The following PCDHGB2 variants were observed in gnomAD, a reference collection of about 807,000 sequenced individuals.
PCDHGB2 encodes the protein protocadherin gamma-B2.
In PCDHGB2, 55 loss-of-function variants were observed where a neutral mutation model predicts 59.3. That is an observed-to-expected ratio of 0.93 (90% CI 0.75 to 1.16). The LOEUF (loss-of-function observed/expected upper bound fraction) is 1.16, where lower values mean the gene tolerates loss of function less well. Among genes scored for constraint, PCDHGB2 ranks in the 50% most tolerant of loss-of-function variants. The pLI, the probability that PCDHGB2 is intolerant of heterozygous loss-of-function variation, is 0.00. For missense variants in PCDHGB2, 1,228 were observed against 1,198.5 expected, an observed-to-expected ratio of 1.02 and a Z score of -0.36; for synonymous variants, 516 against 512.0, an observed-to-expected ratio of 1.01 and a Z score of -0.11.
At chr5:141,366,613 G>A (rs555802357) in intron 1 of PCDHGB2, 93 of 1,614,096 alleles carry the variant, frequency 5.8e-5, no homozygotes, top group African/African-American at 8.0e-5. Context: ...CCCTCACCGC[G>A]GACTCGAGGA....
At chr5:141,466,104 AGAGT>A (rs2154569127) in intron 1 of PCDHGB2, among the ~76,000 whole-genome samples, 1 of 152,144 alleles carries the variant, frequency 6.6e-6, no homozygotes, top group Admixed American at 6.5e-5. Flanking sequence ...CCTGGGCAAC[AGAGT>A]GAGACTCCAG....
At position 141,491,318 on chromosome 5, in the gene PCDHGB2, A is replaced by C; in HGVS notation, c.2422-3489A>C. The C allele has an allele frequency of 6.2e-7, 1 of 1,613,862 alleles. No individual in the cohort carries two copies. The highest frequency in any genetic ancestry group is 8.5e-7 in the Non-Finnish European group (1 of 1,179,916). On this transcript the variant is annotated intron_variant, in intron 1 of 3. Transcript: ENST00000522605. The surrounding 1 kb of genome is among the most constrained non-coding windows in gnomAD (Gnocchi z 6.9). ...CCTGAGCGTTCAGACCTTACCCTTT[A>C]CCTCATTGTGGCTCTAGCGACCGTC...
chr5:141,389,045 T>C, intron 1 of PCDHGB2: 3 of 1,613,920 alleles, frequency 1.9e-6, no homozygotes, highest in Non-Finnish European at 2.5e-6. Flanking sequence ...TGGAAGGTGA[T>C]GTTCCATTTA....
chr5:141,412,998 T>G, intron 1 of PCDHGB2: 1 of 586,036 alleles, frequency 1.7e-6, no homozygotes, highest in Non-Finnish European at 2.9e-6. Context: ...ATCCGGATTC[T>G]CAGGGCTTCA....
chr5:141,370,436 G>A, intron 1 of PCDHGB2: 1 of 1,604,136 alleles, frequency 6.2e-7, no homozygotes, highest in Non-Finnish European at 8.5e-7. Context: ...CAGGGCAGAG[G>A]CGAATGCTAT....
chr5:141,423,904 G>A, intron 1 of PCDHGB2: 2 of 1,275,052 alleles, frequency 1.6e-6, no homozygotes, highest in Middle Eastern at 3.1e-4. Flanking sequence ...TGATTTCAAA[G>A]GGGCCATTCA....
Position 141,429,387 on chromosome 5 carries a change from TAAA to T in PCDHGB2, c.2422-65414_2422-65412del, listed in dbSNP as rs11410533. Among the ~76,000 whole-genome samples, 27 of 151,446 alleles carry T rather than the reference TAAA, an allele frequency of 1.8e-4. No homozygotes were observed. In the East Asian group the frequency reaches 1.9e-3, roughly 11 times the overall value. ...AAATGGAGAAAATGTGTTTTTTTTTTAAAAAAAATTGAGATTAAGGTCTCATTA... is the reference window on the plus strand; with the variant it reads ...AAATGGAGAAAATGTGTTTTTTTTTTAAAAATTGAGATTAAGGTCTCATTA... On this transcript the variant is annotated intron_variant, in intron 1 of 3. Coordinates refer to ENST00000522605, the MANE Select transcript of PCDHGB2 (RefSeq NM_018923.3).
intron 1 of PCDHGB2, chr5:141,414,940 G>C: frequency 7.4e-6 from 12 of 1,614,104 alleles, no homozygotes; most frequent in Non-Finnish European, 9.3e-6. Context: ...CGCAGAGCCC[G>C]GCTACCTGGT....
intron 1 of PCDHGB2, chr5:141,387,787 A>C (rs2091094069): frequency 6.1e-6 from 9 of 1,479,268 alleles, no homozygotes; most frequent in Non-Finnish European, 1.8e-6. Context: ...CTGGAACTGC[A>C]ACTAAAGTCC....
chr5:141,476,714 C>A lies in PCDHGB2; in HGVS notation c.2422-18093C>A, dbSNP rs146188020. 1 of 1,614,154 alleles carries A rather than the reference C, an allele frequency of 6.2e-7. No homozygotes were observed. The highest frequency in any genetic ancestry group is 1.1e-5 in the South Asian group (1 of 91,078). ...CAAGTACGCGGAGCTGGTGTTGGAG[C>A]GCGCCCTGGACCGAGAACGGGAGCC... On this transcript the variant is annotated intron_variant, in intron 1 of 3. Transcript: ENST00000522605. This position sits in a 1 kb window ranked among gnomAD's most constrained non-coding sequence, Gnocchi z 7.6.
chr5:141,421,353 G>C, intron 1 of PCDHGB2: 1 of 1,613,998 alleles, frequency 6.2e-7, no homozygotes, highest in Non-Finnish European at 8.5e-7. Flanking sequence ...AGACCGAAAA[G>C]GGCTCCTTCG....
chr5:141,427,825 C>A (rs1342117815), intron 1 of PCDHGB2: 1 of 1,536,464 alleles, frequency 6.5e-7, no homozygotes, highest in Non-Finnish European at 8.9e-7. Flanking sequence ...GTGGTGGTCG[C>A]GCAGCGTGCC....
intron 1 of PCDHGB2, chr5:141,428,419 C>G: frequency 4.4e-6 from 2 of 451,920 alleles, no homozygotes; most frequent in Non-Finnish European, 4.1e-6. Flanking sequence ...TCACCCTGGT[C>G]TCTGTTCTAA....
chr5:141,508,451 C>T (rs1245251907), intron 3 of PCDHGB2, among the ~76,000 whole-genome samples: 1 of 152,180 alleles, frequency 6.6e-6, no homozygotes, highest in Admixed American at 6.5e-5. Flanking sequence ...AGTGGCAGAG[C>T]AGAGCAAATA....
intron 1 of PCDHGB2, among the ~76,000 whole-genome samples, chr5:141,461,711 C>A (rs897443905): frequency 1.3e-5 from 2 of 152,112 alleles, no homozygotes; most frequent in African/African-American, 2.4e-5. Flanking sequence ...ACTTTTTTTG[C>A]CCAGGCTGGA....
intron 1 of PCDHGB2, among the ~76,000 whole-genome samples, chr5:141,468,759 G>A (rs1202810666): frequency 3.9e-5 from 6 of 151,990 alleles, no homozygotes; most frequent in Admixed American, 2.0e-4. Context: ...CCAGCTACTC[G>A]GGAGGCTGAG....
rs766404886 is a variant in PCDHGB2, at chr5:141,360,997, G to A, written c.862G>A (p.Val288Met). 1.2e-6 allele frequency: 2 copies of A among 1,613,426 alleles called. No individual in the cohort carries two copies. Among genetic ancestry groups the A allele is most frequent in the Non-Finnish European group, 1.7e-6 (2 of 1,179,644 alleles). Residue 288 changes from valine (V) to methionine (M), a missense_variant, in exon 1 of 4, where the codon GTG (valine) becomes ATG (methionine). Val to Met is a conservative substitution (Grantham distance 21, BLOSUM62 1). This residue lies in a region of PCDHGB2 where 781 missense variants were observed against 721.6 expected (regional missense o/e 1.08). Coordinates refer to ENST00000522605, the MANE Select transcript of PCDHGB2 (RefSeq NM_018923.3). The part of the protein sequence containing the change: ...TYSFHNVDEQ[V>M]KHFFNLNEKT... ...CTCCTTTCATAATGTGGACGAACAA[G>A]TGAAACACTTTTTCAACTTAAATGA...
At chr5:141,409,464 C>T in intron 1 of PCDHGB2, 1 of 1,613,940 alleles carries the variant, frequency 6.2e-7, no homozygotes, top group East Asian at 2.2e-5. Context: ...TACAATGTCA[C>T]CATCGTAGCC....
chr5:141,388,864 C>T (rs748559328), intron 1 of PCDHGB2: 15 of 1,613,736 alleles, frequency 9.3e-6, no homozygotes, highest in Middle Eastern at 1.6e-4. Flanking sequence ...GGAATGATTG[C>T]GCAATGCACA....
Sources: gnomAD v4.1 joint callset for allele counts (sites outside exome capture counted in the v4.1 genomes callset) on GRCh38, gnomAD v4.1.1 for gene constraint, gnomAD v4.1.1 regional missense constraint, Gnocchi (gnomAD v3.1) non-coding constraint, MANE v1.5 for transcripts, NCBI Gene and HGNC (gene_info 2026-07-23, HGNC 2026-07-21) for gene names.